Variants in EGFR observed in about 807,000 individuals in gnomAD.
The protein encoded by EGFR is epidermal growth factor receptor.
A neutral mutation model predicts 143.0 loss-of-function variants in EGFR; 58 were observed. That is an observed-to-expected ratio of 0.41 (90% CI 0.33 to 0.50). The LOEUF (loss-of-function observed/expected upper bound fraction) is 0.50, where lower values mean the gene tolerates loss of function less well. Ranked by LOEUF, EGFR falls within the 20% of genes least tolerant of loss-of-function variation. The pLI, the probability that EGFR is intolerant of heterozygous loss-of-function variation, is 0.39. For missense variants in EGFR, 1,307 were observed against 1,579.0 expected (o/e 0.83, Z 2.92); for synonymous variants, 613 against 594.4 (o/e 1.03, Z -0.45).
intron 1 of EGFR, among the ~76,000 whole-genome samples, chr7:55,026,023 C>A (rs1056248240): frequency 7.2e-5 from 11 of 151,904 alleles, no homozygotes; most frequent in Non-Finnish European, 7.4e-5. Flanking sequence ...AGCTTTTGAA[C>A]CTTGACCATG....
chr7:55,106,294 C>T (rs1584051894), intron 1 of EGFR, among the ~76,000 whole-genome samples: 1 of 152,348 alleles, frequency 6.6e-6, no homozygotes, highest in East Asian at 1.9e-4. Flanking sequence ...GTCCAGGTGT[C>T]TGTAGGGCCC....
At chr7:55,132,190 A>C (rs554537499) in intron 1 of EGFR, among the ~76,000 whole-genome samples, 1 of 152,358 alleles carries the variant, frequency 6.6e-6, no homozygotes, top group Admixed American at 6.5e-5. Flanking sequence ...AAATTTTAAA[A>C]GAACATTTAA....
chr7:55,067,219 G>A (rs1789558050), intron 1 of EGFR, among the ~76,000 whole-genome samples: 1 of 152,152 alleles, frequency 6.6e-6, no homozygotes, highest in South Asian at 2.1e-4. Flanking sequence ...GCAAAGGTCA[G>A]AAGAAACCCT....
In EGFR at chr7:55,208,844, G is replaced by T. The variant is rs1041835315; in HGVS notation, c.*3227G>T. On this transcript the variant is annotated 3_prime_UTR_variant, in exon 28 of 28. Coordinates refer to ENST00000275493, the MANE Select transcript of EGFR (RefSeq NM_005228.5). ...GGCGGCTGCCCTTGGGAATCTTCTG[G>T]TCCCAACCAGAAAGACTGTGGCTTG... 6.6e-6 allele frequency: 1 copy of T among 152,168 alleles called. No individual in the cohort carries two copies. The highest frequency in any genetic ancestry group is 2.4e-5 in the African/African-American group (1 of 41,434). The allele number at this position is 152,168 out of a possible 1,614,324, so 9.4% of individuals were successfully genotyped here.
chr7:55,033,782 G>A lies in EGFR; in HGVS notation c.88+14417G>A, dbSNP rs555909073. ...CCTTGCCTCCATGGCGGGACTCTCAGGTGACATCCCACCAACCCTCACTTT... is the reference window on the plus strand; with the variant it reads ...CCTTGCCTCCATGGCGGGACTCTCAAGTGACATCCCACCAACCCTCACTTT... On this transcript the variant is annotated intron_variant, in intron 1 of 27. Coordinates refer to ENST00000275493, the MANE Select transcript of EGFR (RefSeq NM_005228.5). Among the ~76,000 whole-genome samples the A allele has an allele frequency of 3.9e-5, 6 of 152,308 alleles. No homozygotes were observed. In the South Asian group the frequency reaches 6.2e-4, roughly 16 times the overall value.
At chr7:55,066,664 C>A (rs1225632844) in intron 1 of EGFR, among the ~76,000 whole-genome samples, 1 of 152,162 alleles carries the variant, frequency 6.6e-6, no homozygotes, top group Admixed American at 6.5e-5. Context: ...TTCCTTCCAC[C>A]GTGCTGGGGT....
intron 1 of EGFR, among the ~76,000 whole-genome samples, chr7:55,106,556 C>A (rs1182069434): frequency 1.3e-5 from 2 of 152,184 alleles, no homozygotes; most frequent in Non-Finnish European, 2.9e-5. Context: ...TTTACATATC[C>A]CTCCAAAAAT....
In EGFR at chr7:55,150,992, T is replaced by C. The variant is rs573860917; in HGVS notation, c.560-302T>C. Reference sequence around the variant, plus strand: ...GAGATGCCAGGGAATGCTCCAAGCCTAAGCAGATTGTAAACAAGGAACCTC... The same window carrying C: ...GAGATGCCAGGGAATGCTCCAAGCCCAAGCAGATTGTAAACAAGGAACCTC... On this transcript the variant is annotated intron_variant, in intron 4 of 27. Coordinates refer to ENST00000275493, the MANE Select transcript of EGFR (RefSeq NM_005228.5). 3.2e-4 allele frequency among the ~76,000 whole-genome samples: 49 copies of C among 152,346 alleles called. 1 individual carries two copies. Among genetic ancestry groups the C allele is most frequent in the Non-Finnish European group, 1.5e-4 (10 of 68,034 alleles).
chr7:55,178,777 A>G (rs1319960760), intron 19 of EGFR, among the ~76,000 whole-genome samples: 1 of 152,260 alleles, frequency 6.6e-6, no homozygotes, highest in Non-Finnish European at 1.5e-5. Flanking sequence ...TATAAAAGGA[A>G]AATAACACAC....
chr7:55,160,775 C>A (rs17336772), intron 12 of EGFR, among the ~76,000 whole-genome samples: 1 of 152,320 alleles, frequency 6.6e-6, no homozygotes, highest in South Asian at 2.1e-4. Context: ...CTGTGCTGGG[C>A]CTTGGCCACG....
chr7:55,149,782 A>G (rs1794938898), intron 4 of EGFR, among the ~76,000 whole-genome samples: 1 of 152,248 alleles, frequency 6.6e-6, no homozygotes, highest in African/African-American at 2.4e-5. Context: ...AACAAATTAT[A>G]TATCTAAAAA....
chr7:55,199,406 CATT>C (rs1435443487), intron 23 of EGFR, among the ~76,000 whole-genome samples: 1 of 152,226 alleles, frequency 6.6e-6, no homozygotes, highest in African/African-American at 2.4e-5. Context: ...CTGGAGGTAG[CATT>C]ACATGCATGG....
chr7:55,123,517 G>C (rs1420119770), intron 1 of EGFR, among the ~76,000 whole-genome samples: 1 of 152,078 alleles, frequency 6.6e-6, no homozygotes. Context: ...TGTAGGAAAT[G>C]CATTTCTTCA....
intron 4 of EGFR, among the ~76,000 whole-genome samples, chr7:55,149,406 T>C (rs187442445): frequency 6.6e-6 from 1 of 152,078 alleles, no homozygotes; most frequent in African/African-American, 2.4e-5. Context: ...CACACAAATA[T>C]GGCCAAGAAA....
rs1036944725 is a variant in EGFR at position 55,104,940 on chromosome 7, G to C, written c.89-37346G>C. Among the ~76,000 whole-genome samples the C allele has an allele frequency of 1.4e-4, 21 of 152,168 alleles. 1 individual carries two copies. Among genetic ancestry groups the C allele is most frequent in the Non-Finnish European group, 1.9e-4 (13 of 68,022 alleles). Reference sequence around the variant, plus strand: ...CTCAGAAAACTACTCAAGTGAAAGAGAAAAAGTAACTGAAGGGGGAAATCT... The same window carrying C: ...CTCAGAAAACTACTCAAGTGAAAGACAAAAAGTAACTGAAGGGGGAAATCT... On this transcript the variant is annotated intron_variant, in intron 1 of 27. Coordinates refer to ENST00000275493, the MANE Select transcript of EGFR (RefSeq NM_005228.5).
intron 1 of EGFR, among the ~76,000 whole-genome samples, chr7:55,105,006 G>C (rs187753115): frequency 6.6e-6 from 1 of 152,354 alleles, no homozygotes; most frequent in African/African-American, 2.4e-5. Context: ...TTAATAGCAA[G>C]CTTTTTGCCT....
chr7:55,146,565 G>A (rs2128929320), intron 3 of EGFR, 41 bp from the exon 4 acceptor site: 1 of 1,613,230 alleles, frequency 6.2e-7, no homozygotes, highest in Non-Finnish European at 8.5e-7. Context: ...GAATTTAAAG[G>A]AGCTGGAAAG....
chr7:55,146,595 T>C lies in EGFR; in HGVS notation c.425-11T>C, dbSNP rs757459491. ...GGAAAGAGTGCTCACCGCAGTTCCA[T>C]TCTCCCGCAGAAATCCTGCATGGCG... On this transcript the variant is annotated splice_polypyrimidine_tract_variant and intron_variant, in intron 3 of 27. Transcript: ENST00000275493. The C allele has an allele frequency of 6.2e-7, 1 of 1,613,810 alleles. No individual in the cohort carries two copies. Among genetic ancestry groups the C allele is most frequent in the African/African-American group, 1.3e-5 (1 of 74,880 alleles).
chr7:55,062,132 T>C (rs145073144), intron 1 of EGFR, among the ~76,000 whole-genome samples: 52 of 152,290 alleles, frequency 3.4e-4, no homozygotes, highest in Middle Eastern at 3.4e-3. Context: ...AAACAAGAGA[T>C]GTCCAAGGCT....
Sources: allele counts gnomAD v4.1 joint callset (sites outside exome capture counted in the v4.1 genomes callset), GRCh38; gene constraint gnomAD v4.1.1; transcripts MANE v1.5; gene names NCBI Gene and HGNC (gene_info 2026-07-23, HGNC 2026-07-21).